Variants in CSTF1 observed in about 807,000 individuals in gnomAD.
CSTF1 encodes the protein CF-1 50 kDa subunit.
Under a neutral mutation model 40.9 loss-of-function variants are expected in CSTF1, and 2 were observed. That is an observed-to-expected ratio of 0.05 (90% CI 0.02 to 0.15). The LOEUF (loss-of-function observed/expected upper bound fraction) is 0.15. CSTF1 is among the 10% of genes least tolerant of loss of function. CSTF1 has a pLI of 1.00. For missense variants in CSTF1, 279 were observed against 558.9 expected, an observed-to-expected ratio of 0.50 and a Z score of 5.05; for synonymous variants, 218 against 207.2, an observed-to-expected ratio of 1.05 and a Z score of -0.45.
intron 2 of CSTF1, chr20:56,395,973 A>T (rs774581330): frequency 8.1e-6 from 3 of 368,166 alleles, no homozygotes; most frequent in Non-Finnish European, 1.5e-5. Context: ...ACACTCTGTC[A>T]GACATATTAC....
chr20:56,396,504 A>G (rs1357144538), intron 2 of CSTF1, among the ~76,000 whole-genome samples: 1 of 152,212 alleles, frequency 6.6e-6, no homozygotes, highest in Admixed American at 6.5e-5. Context: ...TAAGTGAACA[A>G]GTGAGTCACA....
chr20:56,394,167 A>G (rs536882251), intron 1 of CSTF1, among the ~76,000 whole-genome samples: 2 of 152,242 alleles, frequency 1.3e-5, no homozygotes, highest in Non-Finnish European at 2.9e-5. Context: ...ACTTGAATAC[A>G]TTGAATGATT....
At chr20:56,398,900 T>C in intron 4 of CSTF1, 67 bp from the exon 5 acceptor site, 1 of 1,380,570 alleles carries the variant, frequency 7.2e-7, no homozygotes, top group Non-Finnish European at 9.8e-7. Context: ...CCAGATATTT[T>C]CCACATTTCC....
At position 56,395,580 on chromosome 20, in the gene CSTF1, G is replaced by A. The variant is rs777709245; in HGVS notation, c.28G>A (p.Asp10Asn). The A allele has an allele frequency of 1.2e-6, 2 of 1,614,094 alleles. No homozygotes were observed. Among genetic ancestry groups the A allele is most frequent in the Non-Finnish European group, 1.7e-6 (2 of 1,180,006 alleles). Residue 10 changes from aspartate (D) to asparagine (N), a missense_variant, in exon 2 of 6, where the codon GAC becomes AAC. Physicochemically the swap from Asp to Asn is conservative, Grantham distance 23 (BLOSUM62 1). Transcript: ENST00000217109. MYRTKVGLK[D>N]RQQLYKLIIS... is the part of the protein sequence containing the mutation. The stretch of plus-strand genomic sequence containing the variant: ...GTACAGAACCAAAGTGGGCTTGAAG[G>A]ACCGCCAGCAGCTCTACAAGCTGAT...
At position 56,402,544 on chromosome 20, in the gene CSTF1, C is replaced by A. The variant is rs530892813; in HGVS notation, c.1037-924C>A. Among the ~76,000 whole-genome samples, 13 of 152,230 alleles carry A rather than the reference C, an allele frequency of 8.5e-5. No individual in the cohort carries two copies. In the South Asian group the frequency reaches 2.5e-3, roughly 29 times the overall value. On this transcript the variant is annotated intron_variant, in intron 5 of 5. Coordinates refer to ENST00000217109, the MANE Select transcript of CSTF1 (RefSeq NM_001324.3). ...ATACTTTGTCTCAGTAATTCTGTCT[C>A]TAGGAATTTACTCCTAAGGAAATAA...
At position 56,397,379 on chromosome 20, in the gene CSTF1, T is replaced by C. The variant is rs754851634; in HGVS notation, c.342T>C (p.Ala114=). 7 of 1,614,074 alleles carry C rather than the reference T, an allele frequency of 4.3e-6. No individual in the cohort carries two copies. In the African/African-American group the frequency reaches 9.3e-5, roughly 22 times the overall value. ...CACATAAAGGACCATGCCGTGTAGC[T>C]ACCTATAGTAGAGATGGACAGTTAA... ...VTSHKGPCRV[A]TYSRDGQLIA... is the part of the protein sequence containing the mutation. The change falls in exon 3 of 6, where the codon GCT becomes GCC. Residue 114 remains alanine (A), a synonymous_variant. Transcript: ENST00000217109. The surrounding 1 kb of genome is among the most constrained non-coding windows in gnomAD (Gnocchi z 4.4).
chr20:56,401,710 T>C (rs1238031160), intron 5 of CSTF1, among the ~76,000 whole-genome samples: 3 of 152,136 alleles, frequency 2.0e-5, no homozygotes, highest in Non-Finnish European at 4.4e-5. Context: ...AACATACACC[T>C]TTAAAAATAA....
rs1987497682 is a variant in CSTF1 at position 56,395,660 on chromosome 20, T to C, written c.108T>C (p.Asn36=). The C allele has an allele frequency of 1.2e-6, 2 of 1,614,168 alleles. No homozygotes were observed. Among genetic ancestry groups the C allele is most frequent in the East Asian group, 4.5e-5 (2 of 44,884 alleles). The change falls in exon 2 of 6, where the codon AAT becomes AAC. Residue 36 remains asparagine, a synonymous_variant. Transcript: ENST00000217109. ...TCAGCATCGCCAATGGCCTCATCAA[T>C]GAAATCAAGCCTCAGTCTGTGTGTG... The part of the protein sequence containing the change: ...GYISIANGLI[N]EIKPQSVCAP...
chr20:56,403,417 AG>A (rs755060012), intron 5 of CSTF1, 50 bp from the exon 6 acceptor site: 1 of 1,602,322 alleles, frequency 6.2e-7, no homozygotes, highest in Admixed American at 1.7e-5. Context: ...GAACGTTCTG[AG>A]GGTCTAAGAT....
Position 56,399,493 on chromosome 20 carries a change from G to C in CSTF1, c.1036+136G>C, listed in dbSNP as rs1482322178. The C allele has an allele frequency of 3.6e-6, 3 of 825,048 alleles. No homozygotes were observed. The Admixed American group carries it at 8.0e-5, about 22-fold the overall frequency. 51.1% of individuals were successfully genotyped at this position (825,048 alleles called of 1,614,324 possible). A position where few individuals can be genotyped will look rare whatever the true frequency, so the allele number is the denominator to read the frequency against. On this transcript the variant is annotated intron_variant, in intron 5 of 5. Coordinates refer to ENST00000217109, the MANE Select transcript of CSTF1 (RefSeq NM_001324.3). The surrounding 1 kb of genome is among the most constrained non-coding windows in gnomAD (Gnocchi z 4.6). ...AGATGTTACCCTTTCTTAGATAAGA[G>C]GAAACCAAGACTTACAGGTTAAGTC...
intron 2 of CSTF1, among the ~76,000 whole-genome samples, chr20:56,396,584 A>T (rs1476409593): frequency 6.6e-6 from 1 of 152,180 alleles, no homozygotes; most frequent in African/African-American, 2.4e-5. Context: ...AAGGATCCCT[A>T]AGAATTTATA....
rs369490590 is a variant in CSTF1 at position 56,397,661 on chromosome 20, C to T, written c.465C>T (p.Thr155=). Residue 155 remains threonine (T), a synonymous_variant, in exon 4 of 6, where the codon ACC becomes ACT. Transcript: ENST00000217109. The surrounding 1 kb of genome is among the most constrained non-coding windows in gnomAD (Gnocchi z 4.4). ...AMPIEVMMNE[T]AQQNMENHPV... is the part of the protein sequence containing the mutation. ...TGGTCTAGGTCATGATGAATGAGAC[C>T]GCACAACAAAATATGGAAAACCACC... 1.5e-4 allele frequency: 236 copies of T among 1,613,918 alleles called. No individual in the cohort carries two copies. Among genetic ancestry groups the T allele is most frequent in the Non-Finnish European group, 2.0e-4 (231 of 1,179,986 alleles).
chr20:56,399,177 A>G lies in CSTF1; in HGVS notation c.856A>G (p.Ile286Val). 1 of 1,614,242 alleles carries G rather than the reference A, an allele frequency of 6.2e-7. No homozygotes were observed. The highest frequency in any genetic ancestry group is 8.5e-7 in the Non-Finnish European group (1 of 1,180,036). Residue 286 changes from isoleucine (I) to valine (V), a missense_variant, in exon 5 of 6, where the codon ATC becomes GTC. Transcript: ENST00000217109. This position sits in a 1 kb window ranked among gnomAD's most constrained non-coding sequence, Gnocchi z 4.6. ...MYVTGSKDGC[I>V]KLWDGVSNRC... ...CGTAACTGGAAGCAAGGACGGCTGC[A>G]TCAAATTATGGGATGGTGTTTCAAA...
rs781013140 is a variant in CSTF1, at chr20:56,397,277, G to C, written c.240G>C (p.Gly80=). 1 of 1,614,232 alleles carries C rather than the reference G, an allele frequency of 6.2e-7. No individual in the cohort carries two copies. The highest frequency in any genetic ancestry group is 8.5e-7 in the Non-Finnish European group (1 of 1,180,040). Residue 80 remains glycine, a synonymous_variant, in exon 3 of 6, where the codon GGG becomes GGC. Transcript: ENST00000217109. This position sits in a 1 kb window ranked among gnomAD's most constrained non-coding sequence, Gnocchi z 4.4. ...CAGATACTGTTGCCCCTGGCACAGG[G>C]ATTGACCTGGAATTTGATGCAGATG... ...GRSDTVAPGT[G]IDLEFDADVQ...
chr20:56,393,886 G>C (rs998199412), intron 1 of CSTF1, among the ~76,000 whole-genome samples: 6 of 152,136 alleles, frequency 3.9e-5, no homozygotes, highest in African/African-American at 1.4e-4. Flanking sequence ...GCCTCTTCCC[G>C]CCTGCTGTTC....
chr20:56,400,116 T>C (rs1978388184), intron 5 of CSTF1, among the ~76,000 whole-genome samples: 1 of 152,168 alleles, frequency 6.6e-6, no homozygotes, highest in Non-Finnish European at 1.5e-5. Flanking sequence ...AAAATTGGCA[T>C]GAGCATAACT....
Position 56,403,836 on chromosome 20 carries a change from C to T in CSTF1, c.*109C>T. On this transcript the variant is annotated 3_prime_UTR_variant, in exon 6 of 6. Transcript: ENST00000217109. ...ACCATCCTTGACGTTTTGCTGCCACCTCTGTCCACATTCTTCTTGGATTTG... is the reference window on the plus strand; with the variant it reads ...ACCATCCTTGACGTTTTGCTGCCACTTCTGTCCACATTCTTCTTGGATTTG... The T allele has an allele frequency of 9.4e-7, 1 of 1,060,238 alleles. No individual in the cohort carries two copies. The highest frequency in any genetic ancestry group is 1.4e-6 in the Non-Finnish European group (1 of 724,892). The allele number at this position is 1,060,238 out of a possible 1,614,324, so 65.7% of individuals were successfully genotyped here. A position where few individuals can be genotyped will look rare whatever the true frequency, so the allele number is the denominator to read the frequency against.
intron 5 of CSTF1, among the ~76,000 whole-genome samples, chr20:56,401,482 A>G (rs535675179): frequency 6.6e-6 from 1 of 152,336 alleles, no homozygotes; most frequent in Non-Finnish European, 1.5e-5. Context: ...CTGGTAAAAT[A>G]TTTCAGCACA....
In CSTF1 at chr20:56,399,228, G is replaced by T. The variant is rs947538790; in HGVS notation, c.907G>T (p.Ala303Ser). ...SNRCITTFEK[A>S]HDGAEVCSAI... Reference sequence around the variant, plus strand: ...TCGATGCATCACAACTTTTGAGAAAGCACATGACGGTGCTGAAGTTTGTTC... The same window carrying T: ...TCGATGCATCACAACTTTTGAGAAATCACATGACGGTGCTGAAGTTTGTTC... The change falls in exon 5 of 6, where the codon GCA becomes TCA. Residue 303 changes from alanine (A) to serine (S), a missense_variant. By Grantham distance (99) the Ala-to-Ser change is moderately conservative. Around this residue, in one of 4 missense-constraint regions of CSTF1, gnomAD observed 162 missense variants for 337.1 expected, o/e 0.48. Coordinates refer to ENST00000217109, the MANE Select transcript of CSTF1 (RefSeq NM_001324.3). This position sits in a 1 kb window ranked among gnomAD's most constrained non-coding sequence, Gnocchi z 4.6. 1 of 1,614,200 alleles carries T rather than the reference G, an allele frequency of 6.2e-7. No homozygotes were observed. The highest frequency in any genetic ancestry group is 8.5e-7 in the Non-Finnish European group (1 of 1,180,030).
Sources: gnomAD v4.1 joint callset for allele counts (sites outside exome capture counted in the v4.1 genomes callset) on GRCh38, gnomAD v4.1.1 for gene constraint, gnomAD v4.1.1 regional missense constraint, Gnocchi (gnomAD v3.1) non-coding constraint, MANE v1.5 for transcripts, NCBI Gene and HGNC (gene_info 2026-07-23, HGNC 2026-07-21) for gene names.